Variants in TP53BP2 observed in about 807,000 individuals in gnomAD.
The protein encoded by TP53BP2 is tumor protein p53 binding protein 2.
A neutral mutation model predicts 126.2 loss-of-function variants in TP53BP2; 62 were observed. That is an observed-to-expected ratio of 0.49 (90% CI 0.40 to 0.61). The LOEUF (loss-of-function observed/expected upper bound fraction) is 0.61. Ranked by LOEUF, TP53BP2 falls within the 20% of genes least tolerant of loss-of-function variation. The pLI is 0.00. For synonymous variants in TP53BP2, 485 were observed against 502.9 expected, an observed-to-expected ratio of 0.96 and a Z score of 0.48; for missense variants, 1,215 against 1,402.8, an observed-to-expected ratio of 0.87 and a Z score of 2.14.
In TP53BP2 at chr1:223,790,581, A is replaced by T. The variant is rs12723195; in HGVS notation, c.2997-1407T>A. 3.3e-5 allele frequency among the ~76,000 whole-genome samples: 5 copies of T among 150,824 alleles called. No homozygotes were observed. The South Asian group carries it at 6.3e-4, about 19-fold the overall frequency. On this transcript the variant is annotated intron_variant, in intron 15 of 17. Coordinates refer to ENST00000343537, the MANE Select transcript of TP53BP2 (RefSeq NM_001031685.3). The stretch of plus-strand genomic sequence containing the variant: ...CAAAAAAAACAAAAAAAGAAAAAAA[A>T]TTTTTTTAAATTCCCCATTCCAGAT...
chr1:223,799,160 G>A (rs918233601), intron 11 of TP53BP2, among the ~76,000 whole-genome samples: 1 of 151,850 alleles, frequency 6.6e-6, no homozygotes, highest in Non-Finnish European at 1.5e-5. Flanking sequence ...ATATAGACAG[G>A]GTCTCGTTTT....
intron 1 of TP53BP2, among the ~76,000 whole-genome samples, chr1:223,843,360 G>A (rs1571882799): frequency 1.3e-5 from 2 of 152,050 alleles, no homozygotes; most frequent in Admixed American, 6.5e-5. Flanking sequence ...TAGTAGAGAC[G>A]AGGTTTCACC....
intron 1 of TP53BP2, among the ~76,000 whole-genome samples, chr1:223,822,353 A>G (rs1158056541): frequency 6.6e-6 from 1 of 152,160 alleles, no homozygotes; most frequent in Admixed American, 6.5e-5. Flanking sequence ...ACTGAGACCA[A>G]CAGAAGGTTT....
intron 16 of TP53BP2, among the ~76,000 whole-genome samples, chr1:223,785,154 C>G (rs2102829863): frequency 6.6e-6 from 1 of 152,280 alleles, no homozygotes; most frequent in African/African-American, 2.4e-5. Flanking sequence ...CTCAGCAATT[C>G]AGAATTATTA....
chr1:223,824,441 G>A (rs1043500935), intron 1 of TP53BP2, among the ~76,000 whole-genome samples: 5 of 152,146 alleles, frequency 3.3e-5, no homozygotes, highest in African/African-American at 4.8e-5. Flanking sequence ...ACTGCAGTCC[G>A]CGATGCTGGG....
chr1:223,787,392 T>TTA (rs911749995), intron 16 of TP53BP2, among the ~76,000 whole-genome samples: 8 of 150,742 alleles, frequency 5.3e-5, no homozygotes, highest in Non-Finnish European at 1.0e-4. Context: ...AAATTTATAT[T>TTA]TATATATATA....
chr1:223,844,778 A>T lies in TP53BP2; in HGVS notation c.27+876T>A, dbSNP rs147527190. On this transcript the variant is annotated intron_variant, in intron 1 of 17. Transcript: ENST00000343537. The stretch of plus-strand genomic sequence containing the variant: ...CATCACTCCATTCCACAGACTTCAT[A>T]AAAGTAAAAGCTTTTTGTTTCTTTG... 6.0e-3 allele frequency among the ~76,000 whole-genome samples: 918 copies of T among 152,290 alleles called. 5 individuals are homozygous for T. Among genetic ancestry groups the T allele is most frequent in the Middle Eastern group, 0.01 (3 of 294 alleles).
At chr1:223,788,161 CCT>C (rs920120693) in intron 16 of TP53BP2, among the ~76,000 whole-genome samples, 100 of 152,238 alleles carry the variant, frequency 6.6e-4, no homozygotes, top group African/African-American at 2.3e-3. Flanking sequence ...TTCTCTGACC[CCT>C]CTCTCTTCAT....
chr1:223,821,703 T>A (rs1254870556), intron 1 of TP53BP2, among the ~76,000 whole-genome samples: 1 of 152,212 alleles, frequency 6.6e-6, no homozygotes, highest in Non-Finnish European at 1.5e-5. Context: ...TTCCTGTCAA[T>A]CCTGTAAAGG....
intron 1 of TP53BP2, among the ~76,000 whole-genome samples, chr1:223,844,686 TC>T (rs532070949): frequency 1.0e-3 from 159 of 152,278 alleles, no homozygotes; most frequent in African/African-American, 3.4e-3. Flanking sequence ...TGGGACGCCC[TC>T]CATGACACAA....
chr1:223,782,104 T>C (rs1238916224), intron 17 of TP53BP2, among the ~76,000 whole-genome samples: 1 of 152,220 alleles, frequency 6.6e-6, no homozygotes, highest in East Asian at 1.9e-4. Flanking sequence ...TAATTAATAA[T>C]GTATTATATA....
intron 12 of TP53BP2, among the ~76,000 whole-genome samples, chr1:223,797,181 T>G (rs1662353111): frequency 6.6e-6 from 1 of 152,204 alleles, no homozygotes; most frequent in South Asian, 2.1e-4. Flanking sequence ...ATTTTAATTA[T>G]GGCATCTTAG....
intron 1 of TP53BP2, chr1:223,825,887 G>C (rs1663478977): frequency 6.6e-6 from 1 of 152,238 alleles, no homozygotes; most frequent in African/African-American, 2.4e-5. Flanking sequence ...CTACCTACCA[G>C]ATGGCAAGGG....
At chr1:223,798,819 C>T (rs1213103938) in intron 11 of TP53BP2, 142 bp from the exon 12 acceptor site, 3 of 745,096 alleles carry the variant, frequency 4.0e-6, no homozygotes, top group Non-Finnish European at 4.2e-6. Flanking sequence ...CACCTGTAAT[C>T]CCAGCACTTT....
chr1:223,802,569 A>G (rs1194638321), intron 8 of TP53BP2, 162 bp downstream of exon 8: 1 of 989,300 alleles, frequency 1.0e-6, no homozygotes, highest in Admixed American at 2.5e-5. Flanking sequence ...TAACATTAAA[A>G]AGTAAAAAAG....
At position 223,845,700 on chromosome 1, in the gene TP53BP2, G is replaced by C; in HGVS notation, c.-20C>G. 6.5e-7 allele frequency: 1 copy of C among 1,536,860 alleles called. No individual in the cohort carries two copies. Among genetic ancestry groups the C allele is most frequent in the Admixed American group, 1.9e-5 (1 of 51,996 alleles). On this transcript the variant is annotated 5_prime_UTR_variant, in exon 1 of 18. Transcript: ENST00000343537. ...CCGCATGGAAGCGGGTGGCCAGACT[G>C]CGGCCCCGGCCGAGCTGAGGTGCCC...
chr1:223,841,115 G>A (rs1357228799), intron 1 of TP53BP2, among the ~76,000 whole-genome samples: 1 of 152,052 alleles, frequency 6.6e-6, no homozygotes, highest in African/African-American at 2.4e-5. Context: ...AGCAGAGCGT[G>A]GCCTGTAATC....
At chr1:223,826,123 A>T (rs1463417023) in intron 1 of TP53BP2, 1 of 152,322 alleles carries the variant, frequency 6.6e-6, no homozygotes, top group Non-Finnish European at 1.5e-5. Flanking sequence ...CAGAGGCAAC[A>T]CATTTAAAGC....
intron 3 of TP53BP2, among the ~76,000 whole-genome samples, chr1:223,813,357 A>G (rs188346834): frequency 3.3e-5 from 5 of 152,284 alleles, no homozygotes; most frequent in East Asian, 3.9e-4. Flanking sequence ...GAAATTTTCA[A>G]TTCAAACCTT....
Sources: allele counts gnomAD v4.1 joint callset (sites outside exome capture counted in the v4.1 genomes callset), GRCh38; gene constraint gnomAD v4.1.1; transcripts MANE v1.5; gene names NCBI Gene and HGNC (gene_info 2026-07-23, HGNC 2026-07-21).